The following SLC6A6 variants were observed in gnomAD, a reference collection of about 807,000 sequenced individuals.
The protein encoded by SLC6A6 is solute carrier family 6 member 6.
Under a neutral mutation model 68.8 loss-of-function variants are expected in SLC6A6, and 16 were observed. The ratio of observed to expected loss-of-function variants is 0.23; its 90% CI spans 0.16 to 0.35. The LOEUF (loss-of-function observed/expected upper bound fraction) is 0.35, where lower values mean the gene tolerates loss of function less well. Among genes scored for constraint, SLC6A6 ranks in the 10% least tolerant of loss-of-function variants. The pLI, the probability that SLC6A6 is intolerant of heterozygous loss-of-function variation, is 1.00. For missense variants in SLC6A6, 474 were observed against 802.8 expected, an observed-to-expected ratio of 0.59 and a Z score of 4.95; for synonymous variants, 312 against 315.4, an observed-to-expected ratio of 0.99 and a Z score of 0.12.
At chr3:14,458,396 C>T (rs1203931977) in intron 6 of SLC6A6, among the ~76,000 whole-genome samples, 4 of 152,268 alleles carry the variant, frequency 2.6e-5, no homozygotes, top group South Asian at 4.1e-4. Flanking sequence ...CCACAGCTTT[C>T]TCATCTCAAG....
intron 2 of SLC6A6, among the ~76,000 whole-genome samples, chr3:14,418,115 A>G (rs1157564): frequency 0.57 from 86,301 of 152,068 alleles, 25,176 homozygotes; most frequent in East Asian, 0.93. Flanking sequence ...CGTACTCGCC[A>G]TCTGCTGTGC....
At chr3:14,475,286 C>T (rs1700849791) in intron 10 of SLC6A6, among the ~76,000 whole-genome samples, 1 of 151,962 alleles carries the variant, frequency 6.6e-6, no homozygotes, top group Non-Finnish European at 1.5e-5. Context: ...CCTGCCTTGG[C>T]CTCCCAAAGT....
chr3:14,405,353 G>T (rs113900478), intron 1 of SLC6A6, among the ~76,000 whole-genome samples: 1 of 152,310 alleles, frequency 6.6e-6, no homozygotes, highest in African/African-American at 2.4e-5. Context: ...GAACTTGTCC[G>T]CCTGTCAGTT....
In SLC6A6 at chr3:14,485,104, ATT is replaced by A. The variant is rs35363110; in HGVS notation, c.*109_*110del. On this transcript the variant is annotated 3_prime_UTR_variant, in exon 15 of 15. Coordinates refer to ENST00000622186, the MANE Select transcript of SLC6A6 (RefSeq NM_003043.6). ...TACAGAGCTTTATATTTGCACTAGG[ATT>A]TTTTTTTTTTTGTAATTGTCACAGA... 0.03 allele frequency: 22,496 copies of A among 755,328 alleles called. 9 individuals are homozygous for A. Among genetic ancestry groups the A allele is most frequent in the Non-Finnish European group, 0.034 (17,444 of 509,476 alleles). 46.8% of individuals were successfully genotyped at this position (755,328 alleles called of 1,614,324 possible). A position where few individuals can be genotyped will look rare whatever the true frequency, so the allele number is the denominator to read the frequency against.
Position 14,472,057 on chromosome 3 carries a change from G to A in SLC6A6, c.1097-148G>A. ...GCGTGTCCCACCCAAAGGCGAGACA[G>A]GCCTGGTCTCTTTCCCCAGGCCAGA... On this transcript the variant is annotated intron_variant, in intron 9 of 14. Coordinates refer to ENST00000622186, the MANE Select transcript of SLC6A6 (RefSeq NM_003043.6). The surrounding 1 kb of genome is among the most constrained non-coding windows in gnomAD (Gnocchi z 4.5). 1 of 619,438 alleles carries A rather than the reference G, an allele frequency of 1.6e-6. No homozygotes were observed. The highest frequency in any genetic ancestry group is 2.9e-6 in the Non-Finnish European group (1 of 343,560). The allele number at this position is 619,438 out of a possible 1,614,324, so 38.4% of individuals were successfully genotyped here. A position where few individuals can be genotyped will look rare whatever the true frequency, so the allele number is the denominator to read the frequency against.
intron 7 of SLC6A6, among the ~76,000 whole-genome samples, chr3:14,467,605 A>C (rs1265944063): frequency 6.6e-6 from 1 of 152,182 alleles, no homozygotes; most frequent in Admixed American, 6.5e-5. Flanking sequence ...ATCCAGATCC[A>C]TCTGCTTCTG....
At chr3:14,425,737 A>C (rs779537950) in intron 2 of SLC6A6, among the ~76,000 whole-genome samples, 8 of 152,100 alleles carry the variant, frequency 5.3e-5, no homozygotes, top group Non-Finnish European at 8.8e-5. Flanking sequence ...GAAGGCAACA[A>C]TTGCGTTTCC....
At chr3:14,406,067 C>T (rs1031634182) in intron 1 of SLC6A6, among the ~76,000 whole-genome samples, 1 of 152,122 alleles carries the variant, frequency 6.6e-6, no homozygotes, top group Admixed American at 6.5e-5. Flanking sequence ...GGCAGAGTAG[C>T]CACAAGGGCA....
intron 2 of SLC6A6, among the ~76,000 whole-genome samples, chr3:14,426,930 T>C (rs888145543): frequency 3.3e-5 from 5 of 152,280 alleles, no homozygotes; most frequent in African/African-American, 1.2e-4. Context: ...GGCGTGGCGA[T>C]GGGGGTTCTG....
chr3:14,443,546 G>A, intron 2 of SLC6A6, 78 bp from the exon 3 acceptor site: 1 of 1,043,306 alleles, frequency 9.6e-7, no homozygotes. Flanking sequence ...GCTCGTGGAT[G>A]AGGAAGCAGA....
Position 14,472,157 on chromosome 3 carries a change from G to A in SLC6A6, c.1097-48G>A. On this transcript the variant is annotated intron_variant, in intron 9 of 14. Coordinates refer to ENST00000622186, the MANE Select transcript of SLC6A6 (RefSeq NM_003043.6). The surrounding 1 kb of genome is among the most constrained non-coding windows in gnomAD (Gnocchi z 4.5). ...GCCCAGGGTTCCCAGTGGCTTGGTG[G>A]CTGATGTCTCCTCCCCTGTGCCCCT... 8.6e-7 allele frequency: 1 copy of A among 1,158,688 alleles called. No homozygotes were observed. Among genetic ancestry groups the A allele is most frequent in the Non-Finnish European group, 1.3e-6 (1 of 768,938 alleles). 71.8% of individuals were successfully genotyped at this position (1,158,688 alleles called of 1,614,324 possible). A position where few individuals can be genotyped will look rare whatever the true frequency, so the allele number is the denominator to read the frequency against.
intron 2 of SLC6A6, among the ~76,000 whole-genome samples, chr3:14,419,543 A>T (rs1699441212): frequency 1.3e-5 from 2 of 152,188 alleles, no homozygotes; most frequent in African/African-American, 4.8e-5. Context: ...CCTAGTTCAA[A>T]TCTCTGTTCC....
At position 14,413,146 on chromosome 3, in the gene SLC6A6, C is replaced by T. The variant is rs141460760; in HGVS notation, c.-53-3266C>T. 3.4e-3 allele frequency among the ~76,000 whole-genome samples: 524 copies of T among 152,316 alleles called. 1 individual carries two copies. Among genetic ancestry groups the T allele is most frequent in the African/African-American group, 0.012 (509 of 41,564 alleles). ...AGCGGGATTTGGGGCTGGCATGATG[C>T]CTGGGAGTGGGGGAGCCACTGGGGA... On this transcript the variant is annotated intron_variant, in intron 1 of 14. Coordinates refer to ENST00000622186, the MANE Select transcript of SLC6A6 (RefSeq NM_003043.6).
intron 5 of SLC6A6, among the ~76,000 whole-genome samples, chr3:14,456,696 C>G (rs1479172457): frequency 6.6e-6 from 1 of 152,236 alleles, no homozygotes; most frequent in Non-Finnish European, 1.5e-5. Context: ...CAAGAGCATC[C>G]TGGGCAGGAG....
chr3:14,405,910 A>G (rs1161471165), intron 1 of SLC6A6, among the ~76,000 whole-genome samples: 1 of 152,190 alleles, frequency 6.6e-6, no homozygotes, highest in East Asian at 1.9e-4. Flanking sequence ...TCCGTAGGAT[A>G]CAGTGAAGAA....
At chr3:14,471,366 C>T (rs1700749540) in intron 9 of SLC6A6, among the ~76,000 whole-genome samples, 1 of 152,130 alleles carries the variant, frequency 6.6e-6, no homozygotes, top group African/African-American at 2.4e-5. Flanking sequence ...TATCCAAGTC[C>T]CTTCTTTTGA....
chr3:14,484,156 A>G (rs958515996), intron 14 of SLC6A6, among the ~76,000 whole-genome samples: 10 of 152,288 alleles, frequency 6.6e-5, no homozygotes, highest in Admixed American at 5.9e-4. Flanking sequence ...GTTGAGTCCC[A>G]GTTCTGACAT....
At chr3:14,440,355 C>G (rs900026727) in intron 2 of SLC6A6, among the ~76,000 whole-genome samples, 1 of 151,978 alleles carries the variant, frequency 6.6e-6, no homozygotes, top group Admixed American at 6.5e-5. Context: ...TACTGCGGCT[C>G]CAACAGCCAG....
chr3:14,443,853 G>A lies in SLC6A6; in HGVS notation c.219G>A (p.Lys73=). 6.2e-7 allele frequency: 1 copy of A among 1,611,916 alleles called. No homozygotes were observed. Among genetic ancestry groups the A allele is most frequent in the South Asian group, 1.1e-5 (1 of 91,052 alleles). The stretch of plus-strand genomic sequence containing the variant: ...GGCGCTTCCCGTACCTCTGCTACAA[G>A]AATGGTGGAGGTGAGCTTGGGCCGG... ...NVWRFPYLCY[K]NGGGAFLIPY... is the part of the protein sequence containing the mutation. The change falls in exon 3 of 15, where the codon AAG becomes AAA. Residue 73 remains lysine, a synonymous_variant. Transcript: ENST00000622186.
Sources: gnomAD v4.1 joint callset for allele counts (sites outside exome capture counted in the v4.1 genomes callset) on GRCh38, gnomAD v4.1.1 for gene constraint, Gnocchi (gnomAD v3.1) non-coding constraint, MANE v1.5 for transcripts, NCBI Gene and HGNC (gene_info 2026-07-23, HGNC 2026-07-21) for gene names.